Variants in CPNE4 observed in about 807,000 individuals in gnomAD.
CPNE4 encodes copine 4, also known as copine-4.
In CPNE4, 25 loss-of-function variants were observed where a neutral mutation model predicts 67.9. The ratio of observed to expected loss-of-function variants is 0.37; its 90% CI spans 0.27 to 0.51. The LOEUF (loss-of-function observed/expected upper bound fraction) is 0.51, where lower values mean the gene tolerates loss of function less well. Ranked by LOEUF, CPNE4 falls within the 20% of genes least tolerant of loss-of-function variation. The pLI is 0.93. For synonymous variants in CPNE4, 242 were observed against 244.9 expected (o/e 0.99, Z 0.11); for missense variants, 464 against 690.8 (o/e 0.67, Z 3.68).
At chr3:131,946,348 A>G (rs2071551600) in intron 1 of CPNE4, among the ~76,000 whole-genome samples, 1 of 152,232 alleles carries the variant, frequency 6.6e-6, no homozygotes, top group Admixed American at 6.5e-5. Context: ...AGCATGTATC[A>G]GTACTTTATT....
chr3:131,914,953 G>A (rs1029574630), intron 1 of CPNE4, among the ~76,000 whole-genome samples: 3 of 152,142 alleles, frequency 2.0e-5, no homozygotes, highest in African/African-American at 7.2e-5. Flanking sequence ...TCCAGCCTAG[G>A]CAACAAGAGT....
In CPNE4 at chr3:131,612,177, C is replaced by A. The variant is rs192235058; in HGVS notation, c.682-24595G>T. Among the ~76,000 whole-genome samples the A allele has an allele frequency of 1.1e-3, 162 of 152,204 alleles. 1 individual carries two copies. The highest frequency in any genetic ancestry group is 2.0e-3 in the Non-Finnish European group (136 of 68,000). On this transcript the variant is annotated intron_variant, in intron 7 of 15. Coordinates refer to ENST00000429747, the MANE Select transcript of CPNE4 (RefSeq NM_130808.3). ...TCACTTGAGGTCAGGAGTTCAAGACCAGCCTGGCCAACATGGTGAAACCCC... is the reference window on the plus strand; with the variant it reads ...TCACTTGAGGTCAGGAGTTCAAGACAAGCCTGGCCAACATGGTGAAACCCC...
intron 5 of CPNE4, among the ~76,000 whole-genome samples, chr3:131,693,000 G>A (rs2081065659): frequency 6.6e-6 from 1 of 152,130 alleles, no homozygotes; most frequent in African/African-American, 2.4e-5. Flanking sequence ...AAGTTAGAAA[G>A]TCCCTTTCTC....
Position 131,970,351 on chromosome 3 carries a change from T to C in CPNE4, c.-2+64216A>G, listed in dbSNP as rs539058027. Among the ~76,000 whole-genome samples, 3 of 152,330 alleles carry C rather than the reference T, an allele frequency of 2.0e-5. No homozygotes were observed. The East Asian group carries it at 5.8e-4, about 29-fold the overall frequency. ...AAGTCACTGAGATTTGGAGCTTATT[T>C]GTTACAGTGATATAATCCAGTGTAT... On this transcript the variant is annotated intron_variant, in intron 1 of 15. Transcript: ENST00000429747.
chr3:131,807,222 G>A (rs2084349423), intron 2 of CPNE4, among the ~76,000 whole-genome samples: 2 of 152,172 alleles, frequency 1.3e-5, no homozygotes, highest in Non-Finnish European at 1.5e-5. Context: ...CACTTGAACA[G>A]AAGTTTCCTT....
chr3:131,808,151 C>CTGAGT (rs2084388821), intron 2 of CPNE4, among the ~76,000 whole-genome samples: 2 of 152,166 alleles, frequency 1.3e-5, no homozygotes, highest in Non-Finnish European at 2.9e-5. Flanking sequence ...AAGGACTCTA[C>CTGAGT]CCCAGAGTCT....
chr3:131,545,402 T>G (rs1441042175), intron 14 of CPNE4, among the ~76,000 whole-genome samples: 1 of 152,204 alleles, frequency 6.6e-6, no homozygotes, highest in Non-Finnish European at 1.5e-5. Context: ...TCTGTAAACT[T>G]GGGGTAAATT....
intron 2 of CPNE4, among the ~76,000 whole-genome samples, chr3:131,746,702 T>C (rs1179336204): frequency 6.6e-6 from 1 of 152,222 alleles, no homozygotes; most frequent in African/African-American, 2.4e-5. Flanking sequence ...TTCCATATCT[T>C]GGCTACTGTG....
intron 7 of CPNE4, among the ~76,000 whole-genome samples, chr3:131,622,083 A>G (rs1940508958): frequency 6.6e-6 from 1 of 151,898 alleles, no homozygotes; most frequent in Non-Finnish European, 1.5e-5. Context: ...GTCACATTCC[A>G]ATGTGTCTTT....
chr3:131,694,807 G>C (rs889779051), intron 5 of CPNE4, among the ~76,000 whole-genome samples: 2 of 152,144 alleles, frequency 1.3e-5, no homozygotes, highest in African/African-American at 4.8e-5. Flanking sequence ...TCATCCACAA[G>C]CTGAGTACCA....
chr3:131,854,120 C>T (rs1319759739), intron 2 of CPNE4, among the ~76,000 whole-genome samples: 1 of 151,746 alleles, frequency 6.6e-6, no homozygotes, highest in South Asian at 2.1e-4. Context: ...TAGCTAAAAA[C>T]CGATAATAGC....
chr3:131,581,963 A>G (rs1937867402), intron 8 of CPNE4, among the ~76,000 whole-genome samples: 1 of 152,066 alleles, frequency 6.6e-6, no homozygotes, highest in South Asian at 2.1e-4. Context: ...TTATAATTAT[A>G]CTCTATCTCA....
chr3:131,950,097 T>C (rs1225020), intron 1 of CPNE4, among the ~76,000 whole-genome samples: 108,187 of 152,098 alleles, frequency 0.71, 38,673 homozygotes, highest in Admixed American at 0.81. Context: ...TAAGCTAATA[T>C]TGAACCATTA....
intron 2 of CPNE4, among the ~76,000 whole-genome samples, chr3:131,796,143 G>C (rs2083911069): frequency 6.6e-6 from 1 of 152,112 alleles, no homozygotes; most frequent in African/African-American, 2.4e-5. Flanking sequence ...GGCTAGAGGA[G>C]ATGACAGAGT....
At chr3:131,611,539 A>G (rs965402230) in intron 7 of CPNE4, among the ~76,000 whole-genome samples, 8 of 152,138 alleles carry the variant, frequency 5.3e-5, no homozygotes, top group African/African-American at 1.9e-4. Context: ...ACTTATTTAA[A>G]TAAGCTGGTT....
intron 2 of CPNE4, among the ~76,000 whole-genome samples, chr3:131,747,387 C>G (rs1034040350): frequency 1.3e-5 from 2 of 152,008 alleles, no homozygotes; most frequent in Admixed American, 6.6e-5. Context: ...TTGATTTCCT[C>G]TAGTAGCTTT....
chr3:131,876,687 G>A (rs12498044), intron 2 of CPNE4, among the ~76,000 whole-genome samples: 29,816 of 149,396 alleles, frequency 0.2, 3,748 homozygotes, highest in Non-Finnish European at 0.27. Context: ...CTTTTTCTCT[G>A]TTTCATTGAG....
At chr3:131,667,541 A>T (rs2080295897) in intron 7 of CPNE4, among the ~76,000 whole-genome samples, 1 of 152,032 alleles carries the variant, frequency 6.6e-6, no homozygotes, top group African/African-American at 2.4e-5. Context: ...ACAGCTCCCC[A>T]CAGGAAAATC....
chr3:131,689,665 A>T (rs1055869008), intron 5 of CPNE4, among the ~76,000 whole-genome samples: 22 of 152,234 alleles, frequency 1.4e-4, no homozygotes, highest in Non-Finnish European at 2.5e-4. Flanking sequence ...TAAGACAAGC[A>T]TGTCAACTCT....
Sources: gnomAD v4.1 joint callset for allele counts (sites outside exome capture counted in the v4.1 genomes callset) on GRCh38, gnomAD v4.1.1 for gene constraint, MANE v1.5 for transcripts, NCBI Gene and HGNC (gene_info 2026-07-23, HGNC 2026-07-21) for gene names.